Variants in SHC3 observed in about 807,000 individuals in gnomAD.
SHC3 encodes SHC adaptor protein 3.
Under a neutral mutation model 60.4 loss-of-function variants are expected in SHC3, and 15 were observed. The observed-to-expected ratio is 0.25, with a 90% CI of 0.17 to 0.38. The LOEUF (loss-of-function observed/expected upper bound fraction) is 0.38, where lower values mean the gene tolerates loss of function less well. Ranked by LOEUF, SHC3 falls within the 10% of genes least tolerant of loss-of-function variation. SHC3 has a pLI of 1.00. For synonymous variants in SHC3, 294 were observed against 325.9 expected, an observed-to-expected ratio of 0.90 and a Z score of 1.05; for missense variants, 677 against 786.1, an observed-to-expected ratio of 0.86 and a Z score of 1.66.
chr9:89,071,332 G>A (rs1310553913), intron 4 of SHC3, 80 bp from the exon 5 acceptor site: 7 of 1,429,432 alleles, frequency 4.9e-6, no homozygotes, highest in Non-Finnish European at 6.9e-6. Flanking sequence ...TTGTTGGCAG[G>A]CATTACAAAT....
At chr9:89,135,718 T>C (rs1277359364) in intron 1 of SHC3, among the ~76,000 whole-genome samples, 2 of 152,146 alleles carry the variant, frequency 1.3e-5, no homozygotes, top group African/African-American at 4.8e-5. Context: ...TGTTTATTCC[T>C]GTGAATCAAT....
intron 11 of SHC3, among the ~76,000 whole-genome samples, chr9:89,032,246 G>C (rs1475675943): frequency 6.6e-6 from 1 of 152,182 alleles, no homozygotes; most frequent in South Asian, 2.1e-4. Flanking sequence ...TGAGGATTAG[G>C]GAACATTTAA....
intron 11 of SHC3, among the ~76,000 whole-genome samples, chr9:89,026,514 C>T (rs1004084854): frequency 6.6e-6 from 1 of 152,144 alleles, no homozygotes; most frequent in Non-Finnish European, 1.5e-5. Flanking sequence ...TAGACCAAAC[C>T]AATGTACATC....
chr9:89,164,419 T>A (rs892123724), intron 1 of SHC3, among the ~76,000 whole-genome samples: 2 of 152,118 alleles, frequency 1.3e-5, no homozygotes, highest in Non-Finnish European at 2.9e-5. Flanking sequence ...GGGAAGAGTT[T>A]GAGCTAAGCC....
intron 6 of SHC3, among the ~76,000 whole-genome samples, chr9:89,054,089 T>G (rs905756221): frequency 1.3e-5 from 2 of 152,112 alleles, no homozygotes; most frequent in African/African-American, 4.8e-5. Flanking sequence ...GAACGAAGAA[T>G]ACGATTTACT....
chr9:89,133,482 T>C (rs1483920777), intron 1 of SHC3, among the ~76,000 whole-genome samples: 1 of 152,162 alleles, frequency 6.6e-6, no homozygotes, highest in African/African-American at 2.4e-5. Context: ...TGTGGCACTA[T>C]TCACAATAGC....
rs1223974748 is a variant in SHC3 at position 89,042,016 on chromosome 9, A to G, written c.1360+10T>C. On this transcript the variant is annotated intron_variant, in intron 10 of 11. Transcript: ENST00000375835. ...AAAGAAAAGAAAACCAGAGACAAAC[A>G]GAAACCCACTCATGTCAAAGAGGTC... 1.2e-6 allele frequency: 2 copies of G among 1,613,672 alleles called. No homozygotes were observed. Among genetic ancestry groups the G allele is most frequent in the African/African-American group, 2.7e-5 (2 of 74,906 alleles).
At chr9:89,072,799 A>G (rs1323461560) in intron 4 of SHC3, among the ~76,000 whole-genome samples, 5 of 152,238 alleles carry the variant, frequency 3.3e-5, no homozygotes, top group African/African-American at 1.2e-4. Flanking sequence ...TCGGGCAGGC[A>G]GTCAGGATTT....
Position 89,013,331 on chromosome 9 carries a change from G to T in SHC3, c.*116C>A. 1 of 1,278,496 alleles carries T rather than the reference G, an allele frequency of 7.8e-7. No individual in the cohort carries two copies. Among genetic ancestry groups the T allele is most frequent in the African/African-American group, 1.5e-5 (1 of 66,306 alleles). The allele number at this position is 1,278,496 out of a possible 1,614,324, so 79.2% of individuals were successfully genotyped here. On this transcript the variant is annotated 3_prime_UTR_variant, in exon 12 of 12. Transcript: ENST00000375835. ...CCTTAAAGGAAGCCTTCCTTTTGAA[G>T]CTTTTGAAGAAGGCTCTGAGCCACA... is the stretch of plus-strand genomic sequence containing the variant.
intron 1 of SHC3, among the ~76,000 whole-genome samples, chr9:89,132,043 T>C (rs1587744563): frequency 6.6e-6 from 1 of 152,202 alleles, no homozygotes; most frequent in African/African-American, 2.4e-5. Context: ...CTTAAGCTGA[T>C]AAGCAACTTC....
chr9:89,089,995 C>T lies in SHC3; in HGVS notation c.546-12092G>A, dbSNP rs1291702937. On this transcript the variant is annotated intron_variant, in intron 2 of 11. Transcript: ENST00000375835. ...ACCTGCCCTGCCTTTAAAAACCACC[C>T]ATGCACATCCTCAGGCCCACGAGCA... Among the ~76,000 whole-genome samples the T allele has an allele frequency of 2.6e-5, 4 of 152,338 alleles. No homozygotes were observed. The East Asian group carries it at 7.7e-4, about 29-fold the overall frequency.
At chr9:89,155,804 G>A (rs145060317) in intron 1 of SHC3, among the ~76,000 whole-genome samples, 1 of 152,236 alleles carries the variant, frequency 6.6e-6, no homozygotes, top group African/African-American at 2.4e-5. Flanking sequence ...GCACCTGAGG[G>A]TTCATCTGTT....
At chr9:89,030,501 AATAG>A (rs1820860413) in intron 11 of SHC3, among the ~76,000 whole-genome samples, 1 of 152,236 alleles carries the variant, frequency 6.6e-6, no homozygotes, top group Non-Finnish European at 1.5e-5. Context: ...CTCAAGAAGA[AATAG>A]ATAATCTGAA....
At position 89,009,641 on chromosome 9, in the gene SHC3, G is replaced by A. The variant is rs1190762680; in HGVS notation, c.*3806C>T. ...AATCCAGCAACCCGCCTGAGTCCAC[G>A]CCGTTCTGGGTGTGCCAGGGTGGAG... On this transcript the variant is annotated 3_prime_UTR_variant, in exon 12 of 12. Transcript: ENST00000375835. 6.6e-6 allele frequency: 1 copy of A among 152,238 alleles called. No homozygotes were observed. The highest frequency in any genetic ancestry group is 1.5e-5 in the Non-Finnish European group (1 of 68,108). 9.4% of individuals were successfully genotyped at this position (152,238 alleles called of 1,614,324 possible).
chr9:89,042,294 G>A lies in SHC3; in HGVS notation c.1202-110C>T, dbSNP rs535761820. On this transcript the variant is annotated intron_variant, in intron 9 of 11. Coordinates refer to ENST00000375835, the MANE Select transcript of SHC3 (RefSeq NM_016848.6). ...CTGCAAATGGGAAACCTCCTCCTTC[G>A]GATTCCTATGGGTGATATTCTCCTC... 356 of 1,173,790 alleles carry A rather than the reference G, an allele frequency of 3.0e-4. 1 individual carries two copies. In the South Asian group the frequency reaches 3.1e-3, roughly 10 times the overall value. The allele number at this position is 1,173,790 out of a possible 1,614,324, so 72.7% of individuals were successfully genotyped here.
chr9:89,039,112 A>G (rs1396491943), intron 10 of SHC3, among the ~76,000 whole-genome samples: 1 of 152,276 alleles, frequency 6.6e-6, no homozygotes, highest in Non-Finnish European at 1.5e-5. Context: ...AGTGCTATGC[A>G]AGTGGAAGGT....
intron 1 of SHC3, among the ~76,000 whole-genome samples, chr9:89,128,012 C>G (rs1243024715): frequency 1.3e-5 from 2 of 152,074 alleles, no homozygotes; most frequent in African/African-American, 2.4e-5. Context: ...ATGAAAAATA[C>G]AACCACTGGA....
Position 89,178,054 on chromosome 9 carries a change from C to A in SHC3, c.407G>T (p.Arg136Met), listed in dbSNP as rs1826969745. The A allele has an allele frequency of 1.6e-6, 2 of 1,218,912 alleles. No individual in the cohort carries two copies. Among genetic ancestry groups the A allele is most frequent in the African/African-American group, 1.6e-5 (1 of 63,710 alleles). 75.5% of individuals were successfully genotyped at this position (1,218,912 alleles called of 1,614,324 possible). The change falls in exon 1 of 12, where the codon AGG becomes ATG. Residue 136 changes from arginine to methionine, a missense_variant. Coordinates refer to ENST00000375835, the MANE Select transcript of SHC3 (RefSeq NM_016848.6). This position sits in a 1 kb window ranked among gnomAD's most constrained non-coding sequence, Gnocchi z 6.9. ...KGRPGDEPLPRPPRGAPHASD... is the reference protein window; with the variant it reads ...KGRPGDEPLPMPPRGAPHASD... ...GGCGTGCGGCGCCCCCCGAGGGGGC[C>A]TGGGCAGCGGCTCGTCGCCGGGCCG...
intron 6 of SHC3, among the ~76,000 whole-genome samples, chr9:89,055,359 T>A (rs1244201421): frequency 6.6e-6 from 1 of 152,236 alleles, no homozygotes; most frequent in Admixed American, 6.5e-5. Context: ...TGAGGCTTGT[T>A]CATCTAAGCA....
Sources: allele counts gnomAD v4.1 joint callset (sites outside exome capture counted in the v4.1 genomes callset), GRCh38; gene constraint gnomAD v4.1.1; non-coding constraint Gnocchi (gnomAD v3.1); transcripts MANE v1.5; gene names NCBI Gene and HGNC (gene_info 2026-07-23, HGNC 2026-07-21).